PRSS38: variants seen among roughly 807,000 people sequenced by gnomAD.
PRSS38 encodes marapsin 2.
PRSS38 carries 22 observed loss-of-function variants against 26.8 expected under a neutral mutation model. That is an observed-to-expected ratio of 0.82 (90% CI 0.59 to 1.17). The LOEUF (loss-of-function observed/expected upper bound fraction) is 1.17, where lower values mean the gene tolerates loss of function less well. Ranked by LOEUF, PRSS38 falls within the 50% of genes most tolerant of loss-of-function variation. The pLI is 0.00. For synonymous variants in PRSS38, 175 were observed against 172.1 expected (o/e 1.02, Z -0.13); for missense variants, 427 against 422.7 (o/e 1.01, Z -0.09).
chr1:227,818,916 ACT>A (rs1664962145), intron 3 of PRSS38, among the ~76,000 whole-genome samples: 1 of 151,960 alleles, frequency 6.6e-6, no homozygotes, highest in Admixed American at 6.5e-5. Context: ...ATAAATGATT[ACT>A]CTGTCTTACT....
intron 3 of PRSS38, among the ~76,000 whole-genome samples, chr1:227,832,991 A>G (rs1039641113): frequency 6.6e-6 from 1 of 152,218 alleles, no homozygotes; most frequent in African/African-American, 2.4e-5. Flanking sequence ...AAAACTACAA[A>G]ACTACATTGA....
chr1:227,820,930 CTGTG>C (rs1391262801), intron 3 of PRSS38, among the ~76,000 whole-genome samples: 2 of 152,102 alleles, frequency 1.3e-5, no homozygotes, highest in South Asian at 2.1e-4. Context: ...CCTATTTCTT[CTGTG>C]TAAGTTTAGA....
intron 3 of PRSS38, among the ~76,000 whole-genome samples, chr1:227,819,885 T>A (rs1365545530): frequency 1.3e-5 from 2 of 152,062 alleles, no homozygotes; most frequent in Admixed American, 1.3e-4. Context: ...GGTCAAGAGA[T>A]TGAGACTATC....
In PRSS38 at chr1:227,818,362, CT is replaced by C. The variant is rs555322222; in HGVS notation, c.583+886del. Among the ~76,000 whole-genome samples, 23 of 152,238 alleles carry C rather than the reference CT, an allele frequency of 1.5e-4. No homozygotes were observed. The South Asian group carries it at 4.8e-3, about 32-fold the overall frequency. On this transcript the variant is annotated intron_variant, in intron 3 of 4. Coordinates refer to ENST00000366757, the Ensembl canonical transcript of PRSS38. ...CTTGAGAGGATCATATAGTTCTGCT[CT>C]TTTAATCTATTGATGCCAAGAATAG...
intron 3 of PRSS38, among the ~76,000 whole-genome samples, chr1:227,839,668 C>T (rs1665288836): frequency 6.6e-6 from 1 of 152,122 alleles, no homozygotes; most frequent in African/African-American, 2.4e-5. Flanking sequence ...TTTACAAGTG[C>T]GGACCTCAGA....
intron 3 of PRSS38, among the ~76,000 whole-genome samples, chr1:227,845,183 G>T (rs1031602021): frequency 2.1e-5 from 3 of 142,474 alleles, no homozygotes; most frequent in African/African-American, 7.9e-5. Context: ...TCCCTAATGT[G>T]TGGTGGGGCT....
chr1:227,817,258 A>G, exon 3 of PRSS38: 1 of 1,614,180 alleles, frequency 6.2e-7, no homozygotes, highest in Non-Finnish European at 8.5e-7. Flanking sequence ...CGTAAACCTC[A>G]GGGTGGCCGG....
At chr1:227,845,989 C>T in exon 5 of PRSS38, 1 of 1,614,210 alleles carries the variant, frequency 6.2e-7, no homozygotes, top group Non-Finnish European at 8.5e-7. Context: ...GTGAATTCAA[C>T]CGCAGCTGGT....
At chr1:227,836,063 CTT>C (rs1665234297) in intron 3 of PRSS38, among the ~76,000 whole-genome samples, 1 of 151,606 alleles carries the variant, frequency 6.6e-6, no homozygotes, top group Non-Finnish European at 1.5e-5. Context: ...CATAGCAAGA[CTT>C]TGGTTATAAA....
At chr1:227,834,966 T>C (rs943048911) in intron 3 of PRSS38, among the ~76,000 whole-genome samples, 1 of 152,148 alleles carries the variant, frequency 6.6e-6, no homozygotes, top group African/African-American at 2.4e-5. Flanking sequence ...CCAGAATATA[T>C]AAAGAACTCC....
At chr1:227,819,853 G>T (rs1225480342) in intron 3 of PRSS38, among the ~76,000 whole-genome samples, 1 of 152,108 alleles carries the variant, frequency 6.6e-6, no homozygotes, top group Non-Finnish European at 1.5e-5. Context: ...CACTTTGGGA[G>T]GCCAAGGCGG....
chr1:227,830,545 T>C (rs7532091), intron 3 of PRSS38, among the ~76,000 whole-genome samples: 122,929 of 144,342 alleles, frequency 0.85, 52,593 homozygotes, highest in South Asian at 0.91. Flanking sequence ...CTCTTGTCAC[T>C]CAGGCAAGTG....
chr1:227,846,173 C>T (rs1173782723), exon 5 of PRSS38: 2 of 1,612,834 alleles, frequency 1.2e-6, no homozygotes, highest in Non-Finnish European at 1.7e-6. Flanking sequence ...TCTCAGCGTC[C>T]TAATGGCCAT....
chr1:227,818,956 A>G (rs1664963634), intron 3 of PRSS38, among the ~76,000 whole-genome samples: 1 of 152,166 alleles, frequency 6.6e-6, no homozygotes, highest in African/African-American at 2.4e-5. Flanking sequence ...GTTCATTCCA[A>G]TTTTAAAATT....
chr1:227,816,377 C>A lies in PRSS38; in HGVS notation c.311+125C>A. 2 of 1,046,800 alleles carry A rather than the reference C, an allele frequency of 1.9e-6. No individual in the cohort carries two copies. Among genetic ancestry groups the A allele is most frequent in the South Asian group, 1.5e-5 (1 of 64,700 alleles). 64.8% of individuals were successfully genotyped at this position (1,046,800 alleles called of 1,614,324 possible). On this transcript the variant is annotated intron_variant, in intron 2 of 4. Coordinates refer to ENST00000366757, the Ensembl canonical transcript of PRSS38. The surrounding 1 kb of genome is among the most constrained non-coding windows in gnomAD (Gnocchi z 5.1). Reference sequence around the variant, plus strand: ...TGTCGACTCCCTTCACCACTGTCGACCCGCGCAAGGCCAGGTCCCCACCAG... The same window carrying A: ...TGTCGACTCCCTTCACCACTGTCGAACCGCGCAAGGCCAGGTCCCCACCAG...
chr1:227,830,731 G>C (rs894300310), intron 3 of PRSS38, among the ~76,000 whole-genome samples: 1 of 151,514 alleles, frequency 6.6e-6, no homozygotes, highest in Non-Finnish European at 1.5e-5. Context: ...TCTCGAACTC[G>C]TGGCCTCAGG....
At chr1:227,832,185 C>T (rs1485495162) in intron 3 of PRSS38, among the ~76,000 whole-genome samples, 1 of 152,182 alleles carries the variant, frequency 6.6e-6, no homozygotes, top group Non-Finnish European at 1.5e-5. Context: ...ATATATGCCT[C>T]TGAATCCAAA....
At chr1:227,834,252 G>C (rs1222526608) in intron 3 of PRSS38, among the ~76,000 whole-genome samples, 3 of 152,182 alleles carry the variant, frequency 2.0e-5, no homozygotes, top group African/African-American at 7.2e-5. Flanking sequence ...TTTGTCGTTT[G>C]AAACTGCCCA....
chr1:227,829,199 C>A (rs187889028), intron 3 of PRSS38, among the ~76,000 whole-genome samples: 1 of 152,116 alleles, frequency 6.6e-6, no homozygotes, highest in Admixed American at 6.6e-5. Flanking sequence ...TGCCACAGAC[C>A]GCAGCTGCTT....
Sources: allele counts gnomAD v4.1 joint callset (sites outside exome capture counted in the v4.1 genomes callset), GRCh38; gene constraint gnomAD v4.1.1; non-coding constraint Gnocchi (gnomAD v3.1); transcripts MANE v1.5; gene names NCBI Gene and HGNC (gene_info 2026-07-23, HGNC 2026-07-21).